Variants in SCEL observed in about 807,000 individuals in gnomAD.
SCEL encodes sciellin.
SCEL carries 113 observed loss-of-function variants against 117.6 expected under a neutral mutation model. The observed-to-expected ratio is 0.96, with a 90% confidence interval of 0.83 to 1.12. The LOEUF is 1.12. Among genes scored for constraint, SCEL ranks in the 50% most tolerant of loss-of-function variants. The pLI is 0.00. For missense variants in SCEL, 785 were observed against 810.8 expected (o/e 0.97, Z 0.39); for synonymous variants, 270 against 256.2 (o/e 1.05, Z -0.51).
intron 22 of SCEL, among the ~76,000 whole-genome samples, chr13:77,611,639 A>G (rs1397740678): frequency 6.6e-6 from 1 of 152,098 alleles, no homozygotes; most frequent in African/African-American, 2.4e-5. Flanking sequence ...GCTGCCATGT[A>G]TTGCATTTGG....
intron 20 of SCEL, 80 bp downstream of exon 20, chr13:77,608,195 C>T (rs2088367305): frequency 1.5e-5 from 17 of 1,134,268 alleles, no homozygotes; most frequent in Non-Finnish European, 2.0e-5. Context: ...TGTTGAAAAA[C>T]CTTTGGATTG....
intron 1 of SCEL, among the ~76,000 whole-genome samples, chr13:77,546,258 C>T (rs2083984061): frequency 6.6e-6 from 1 of 152,206 alleles, no homozygotes; most frequent in Non-Finnish European, 1.5e-5. Context: ...AGGCATTTCT[C>T]TGAGTGCCTG....
chr13:77,612,416 T>G (rs2088699076), intron 22 of SCEL, among the ~76,000 whole-genome samples: 1 of 151,114 alleles, frequency 6.6e-6, no homozygotes, highest in Non-Finnish European at 1.5e-5. Context: ...ATATATTACC[T>G]GCATAACTTA....
intron 4 of SCEL, among the ~76,000 whole-genome samples, chr13:77,561,290 G>A (rs192357747): frequency 6.6e-6 from 1 of 152,262 alleles, no homozygotes; most frequent in East Asian, 1.9e-4. Context: ...ATGTGTTTTA[G>A]GTTAACAAGA....
intron 27 of SCEL, among the ~76,000 whole-genome samples, chr13:77,627,645 TA>T (rs1567437244): frequency 6.6e-6 from 1 of 151,874 alleles, no homozygotes; most frequent in African/African-American, 2.4e-5. Context: ...TATACATCAA[TA>T]AAAAAAGAAA....
Position 77,568,327 on chromosome 13 carries a change from CA to C in SCEL, c.395del (p.Lys132SerfsTer8). 6.4e-7 allele frequency: 1 copy of C among 1,565,548 alleles called. No individual in the cohort carries two copies. The highest frequency in any genetic ancestry group is 1.1e-5 in the South Asian group (1 of 87,836). ...TCCATGTTTAGATCACTGGAAGTAA[CA>C]AAGTTGTATGTATTCTTTCTAATTG... ...SMSMFRSLEV[T>X]KLQPGGSLNA... On this transcript the variant is annotated frameshift_variant, in exon 7 of 33. Transcript: ENST00000349847. LOFTEE classifies it high-confidence loss of function.
intron 6 of SCEL, 119 bp from the exon 7 acceptor site, chr13:77,568,176 T>C: frequency 1.5e-6 from 1 of 651,850 alleles, no homozygotes; most frequent in Non-Finnish European, 2.7e-6. Context: ...TATGATGCTT[T>C]CTATTTCTTT....
At chr13:77,637,391 AAT>A (rs1295846250) in intron 30 of SCEL, among the ~76,000 whole-genome samples, 197 bp downstream of exon 30, 1 of 124,700 alleles carries the variant, frequency 8.0e-6, no homozygotes, top group African/African-American at 3.0e-5. Context: ...TACATATATA[AAT>A]ATATATACAT....
chr13:77,583,871 T>C (rs1365739210), intron 9 of SCEL, among the ~76,000 whole-genome samples: 1 of 152,238 alleles, frequency 6.6e-6, no homozygotes, highest in Non-Finnish European at 1.5e-5. Context: ...GACGTGATAT[T>C]TGCAGCAGCA....
intron 1 of SCEL, among the ~76,000 whole-genome samples, chr13:77,551,962 A>G (rs375620899): frequency 1.6e-4 from 24 of 148,284 alleles, no homozygotes; most frequent in Non-Finnish European, 2.2e-4. Context: ...TTTTGTTCTT[A>G]CGATAGTTTA....
At chr13:77,567,126 G>A (rs2085333938) in intron 5 of SCEL, among the ~76,000 whole-genome samples, 2 of 152,160 alleles carry the variant, frequency 1.3e-5, no homozygotes, top group South Asian at 2.1e-4. Flanking sequence ...AATGCTCAAT[G>A]AGTCAGAAAG....
At chr13:77,550,999 A>C (rs186203813) in intron 1 of SCEL, among the ~76,000 whole-genome samples, 82 of 152,342 alleles carry the variant, frequency 5.4e-4, no homozygotes, top group Non-Finnish European at 1.1e-3. Context: ...AGGGCCAGGC[A>C]AACCCCTGCA....
chr13:77,567,604 C>G, intron 5 of SCEL, 76 bp from the exon 6 acceptor site: 1 of 993,708 alleles, frequency 1.0e-6, no homozygotes, highest in Admixed American at 1.9e-5. Context: ...TTAAGCTATT[C>G]TAGCATGAAA....
In SCEL at chr13:77,642,782, G is replaced by A; in HGVS notation, c.2024G>A (p.Cys675Tyr). 6.3e-7 allele frequency: 1 copy of A among 1,599,720 alleles called. No homozygotes were observed. The highest frequency in any genetic ancestry group is 8.5e-7 in the Non-Finnish European group (1 of 1,172,374). The part of the protein sequence containing the change: ...SIWIYRQTIH[C>Y]EPCYSKIMAK... ...TGGATTTATAGACAGACAATACACTGTGAACCTTGCTACTCTAAAATTATG... is the reference window on the plus strand; with the variant it reads ...TGGATTTATAGACAGACAATACACTATGAACCTTGCTACTCTAAAATTATG... The change falls in exon 32 of 33, where the codon TGT becomes TAT. Residue 675 changes from cysteine to tyrosine, a missense_variant. By Grantham distance (194) the Cys-to-Tyr change is radical (BLOSUM62 -2). Transcript: ENST00000349847.
intron 9 of SCEL, among the ~76,000 whole-genome samples, chr13:77,587,524 G>A (rs748335241): frequency 3.3e-5 from 5 of 151,790 alleles, no homozygotes; most frequent in African/African-American, 7.3e-5. Context: ...AAATCCACTC[G>A]TATGATTTTT....
At chr13:77,630,455 T>C (rs531052005) in intron 28 of SCEL, among the ~76,000 whole-genome samples, 46 of 152,320 alleles carry the variant, frequency 3.0e-4, no homozygotes, top group African/African-American at 1.1e-3. Context: ...GTTTCACTAT[T>C]GGGTTTTAAT....
At chr13:77,631,104 G>A (rs755409370) in intron 28 of SCEL, among the ~76,000 whole-genome samples, 1 of 152,060 alleles carries the variant, frequency 6.6e-6, no homozygotes, top group Non-Finnish European at 1.5e-5. Context: ...ACTGTATAAG[G>A]AGCTCACTGG....
rs561168701 is a variant in SCEL at position 77,575,841 on chromosome 13, T to G, written c.545+3652T>G. Among the ~76,000 whole-genome samples, 34 of 152,358 alleles carry G rather than the reference T, an allele frequency of 2.2e-4. 1 individual carries two copies. Among genetic ancestry groups the G allele is most frequent in the African/African-American group, 7.9e-4 (33 of 41,588 alleles). On this transcript the variant is annotated intron_variant, in intron 9 of 32. Coordinates refer to ENST00000349847, the MANE Select transcript of SCEL (RefSeq NM_144777.3). ...TACAGTGTTTTGAATTATCAAGATA[T>G]GCCAAGCAGATTATCCTTTGAAGTC...
intron 27 of SCEL, among the ~76,000 whole-genome samples, chr13:77,622,760 G>A (rs1331052703): frequency 6.6e-6 from 1 of 152,164 alleles, no homozygotes; most frequent in East Asian, 1.9e-4. Context: ...TACTTGGGAA[G>A]CTAAGACGGG....
Sources: allele counts gnomAD v4.1 joint callset (sites outside exome capture counted in the v4.1 genomes callset), GRCh38; gene constraint gnomAD v4.1.1; transcripts MANE v1.5; gene names NCBI Gene and HGNC (gene_info 2026-07-23, HGNC 2026-07-21).